The following EDIL3 variants were observed in gnomAD, a reference collection of about 807,000 sequenced individuals.
The protein encoded by EDIL3 is EGF-like repeat and discoidin I-like domain-containing protein 3.
EDIL3 carries 37 observed loss-of-function variants against 67.4 expected under a neutral mutation model. The observed-to-expected ratio is 0.55, with a 90% CI of 0.42 to 0.72. EDIL3 has a LOEUF of 0.72. EDIL3 is among the 30% of genes least tolerant of loss of function. The probability of loss-of-function intolerance (pLI) is 0.00; values close to 1 mark genes in which losing one functional copy is unlikely to be tolerated. For synonymous variants in EDIL3, 195 were observed against 196.3 expected (o/e 0.99, Z 0.05); for missense variants, 527 against 586.3 (o/e 0.90, Z 1.04).
intron 9 of EDIL3, among the ~76,000 whole-genome samples, chr5:84,027,930 C>T (rs1745845012): frequency 6.6e-6 from 1 of 152,094 alleles, no homozygotes; most frequent in Non-Finnish European, 1.5e-5. Flanking sequence ...AACCTTTCCT[C>T]AAAGTATTTG....
In EDIL3 at chr5:84,154,023, A is replaced by T. The variant is rs138228186; in HGVS notation, c.356-16669T>A. Among the ~76,000 whole-genome samples the T allele has an allele frequency of 5.4e-3, 821 of 152,264 alleles. 3 individuals are homozygous for T. Among genetic ancestry groups the T allele is most frequent in the Middle Eastern group, 0.01 (3 of 294 alleles). Reference sequence around the variant, plus strand: ...TGGTTCCTTGCTGAGGTTTGGGCTGAAGTCAGCTCCCTGTGTGATCATTCA... The same window carrying T: ...TGGTTCCTTGCTGAGGTTTGGGCTGTAGTCAGCTCCCTGTGTGATCATTCA... On this transcript the variant is annotated intron_variant, in intron 4 of 10. Coordinates refer to ENST00000296591, the MANE Select transcript of EDIL3 (RefSeq NM_005711.5).
intron 9 of EDIL3, among the ~76,000 whole-genome samples, chr5:83,972,034 C>T (rs1050477462): frequency 5.9e-5 from 9 of 152,050 alleles, no homozygotes; most frequent in African/African-American, 2.2e-4. Flanking sequence ...TGTTGTCAAT[C>T]TTCTCTTGTC....
At chr5:84,354,101 G>GACC (rs1307955363) in intron 1 of EDIL3, among the ~76,000 whole-genome samples, 1 of 152,078 alleles carries the variant, frequency 6.6e-6, no homozygotes, top group Non-Finnish European at 1.5e-5. Context: ...ACCTAGTGAG[G>GACC]ACCAAATAAA....
chr5:84,174,423 A>G (rs1748864230), intron 4 of EDIL3, among the ~76,000 whole-genome samples: 1 of 152,200 alleles, frequency 6.6e-6, no homozygotes, highest in Non-Finnish European at 1.5e-5. Flanking sequence ...GGTAACATTC[A>G]TCAGTTCAAA....
chr5:83,943,629 A>T, intron 10 of EDIL3, 61 bp from the exon 11 acceptor site: 1 of 1,580,224 alleles, frequency 6.3e-7, no homozygotes, highest in Non-Finnish European at 8.6e-7. Flanking sequence ...AATTATTTTT[A>T]TGTTCCTGTT....
chr5:84,286,341 T>C (rs1244020179), intron 1 of EDIL3, among the ~76,000 whole-genome samples: 2 of 152,048 alleles, frequency 1.3e-5, no homozygotes, highest in Non-Finnish European at 2.9e-5. Flanking sequence ...GAAAAAGCCA[T>C]AGATGTCCAC....
intron 5 of EDIL3, among the ~76,000 whole-genome samples, chr5:84,111,504 T>C (rs182009539): frequency 5.6e-4 from 86 of 152,338 alleles, no homozygotes; most frequent in African/African-American, 1.7e-3. Flanking sequence ...TACGTGTTTA[T>C]TGAAGCCCTT....
chr5:84,205,667 C>A (rs1032001346), intron 3 of EDIL3, among the ~76,000 whole-genome samples: 1 of 151,956 alleles, frequency 6.6e-6, no homozygotes, highest in East Asian at 1.9e-4. Flanking sequence ...AGGAATTTAT[C>A]CATTTCTTCT....
At chr5:83,973,607 C>T (rs773626554) in intron 9 of EDIL3, among the ~76,000 whole-genome samples, 25 of 151,952 alleles carry the variant, frequency 1.6e-4, no homozygotes, top group Middle Eastern at 3.2e-3. Flanking sequence ...ATTGTTTACA[C>T]GTGTAAAAAC....
At chr5:84,135,267 G>C (rs1748067521) in intron 5 of EDIL3, among the ~76,000 whole-genome samples, 1 of 152,058 alleles carries the variant, frequency 6.6e-6, no homozygotes, top group Non-Finnish European at 1.5e-5. Flanking sequence ...TAGGAAAATG[G>C]GAAGGCTTCT....
chr5:84,281,259 T>A (rs1048098743), intron 1 of EDIL3, among the ~76,000 whole-genome samples: 2 of 152,198 alleles, frequency 1.3e-5, no homozygotes, highest in Non-Finnish European at 2.9e-5. Context: ...TGATATTTTA[T>A]TCATAGGCTA....
chr5:84,075,890 G>GCA (rs10530772), intron 6 of EDIL3, among the ~76,000 whole-genome samples: 10,741 of 144,896 alleles, frequency 0.074, 413 homozygotes, highest in Middle Eastern at 0.12. Flanking sequence ...AAGTGTGCAC[G>GCA]CACACACACA....
intron 1 of EDIL3, among the ~76,000 whole-genome samples, chr5:84,366,620 T>C (rs1747740697): frequency 6.6e-6 from 1 of 152,194 alleles, no homozygotes; most frequent in Non-Finnish European, 1.5e-5. Context: ...TTAGAAAATA[T>C]TGTTAAACTG....
At chr5:84,302,365 C>T (rs531656755) in intron 1 of EDIL3, among the ~76,000 whole-genome samples, 19 of 152,200 alleles carry the variant, frequency 1.2e-4, no homozygotes, top group African/African-American at 4.1e-4. Context: ...GGCACAATCT[C>T]GGCTCACTGC....
chr5:84,064,987 C>T (rs939477006), intron 7 of EDIL3, 143 bp from the exon 8 acceptor site: 3 of 1,085,138 alleles, frequency 2.8e-6, no homozygotes, highest in Non-Finnish European at 3.7e-6. Flanking sequence ...TGAGAAGTGC[C>T]TTGCCATGAG....
intron 2 of EDIL3, among the ~76,000 whole-genome samples, chr5:84,233,696 G>A (rs2112047938): frequency 6.6e-6 from 1 of 152,258 alleles, no homozygotes; most frequent in South Asian, 2.1e-4. Flanking sequence ...GGATATGTAA[G>A]GAGATATTTG....
chr5:84,313,505 T>C (rs1746446419), intron 1 of EDIL3, among the ~76,000 whole-genome samples: 1 of 152,192 alleles, frequency 6.6e-6, no homozygotes, highest in Admixed American at 6.5e-5. Context: ...GTAGCTACCA[T>C]GTACTAGTGG....
chr5:84,222,762 C>A (rs1484795277), intron 3 of EDIL3, among the ~76,000 whole-genome samples: 2 of 111,678 alleles, frequency 1.8e-5, no homozygotes, highest in African/African-American at 3.7e-5. Context: ...TACATCTATT[C>A]GCCATTCTCA....
At chr5:84,330,046 A>AT (rs1746839484) in intron 1 of EDIL3, among the ~76,000 whole-genome samples, 1 of 152,150 alleles carries the variant, frequency 6.6e-6, no homozygotes, top group Admixed American at 6.6e-5. Flanking sequence ...ATCTGAAGTC[A>AT]TTTTTCAGAA....
Sources: allele counts gnomAD v4.1 joint callset (sites outside exome capture counted in the v4.1 genomes callset), GRCh38; gene constraint gnomAD v4.1.1; transcripts MANE v1.5; gene names NCBI Gene and HGNC (gene_info 2026-07-23, HGNC 2026-07-21).